Variants in ADK observed in about 807,000 individuals in gnomAD.
ADK encodes the protein N6,N6-dimethyladenosine kinase.
ADK carries 24 observed loss-of-function variants against 44.7 expected under a neutral mutation model. That is an observed-to-expected ratio of 0.54 (90% CI 0.39 to 0.76). ADK has a LOEUF of 0.76. Among genes scored for constraint, ADK ranks in the 30% least tolerant of loss-of-function variants. The pLI is 0.00. For missense variants in ADK, 321 were observed against 425.1 expected (o/e 0.76, Z 2.15); for synonymous variants, 128 against 142.6 (o/e 0.90, Z 0.73).
chr10:74,456,440 C>T lies in ADK; in HGVS notation c.555+57861C>T, dbSNP rs1431550839. Among the ~76,000 whole-genome samples the T allele has an allele frequency of 4.6e-5, 7 of 151,938 alleles. No homozygotes were observed. In the East Asian group the frequency reaches 9.7e-4, roughly 21 times the overall value. On this transcript the variant is annotated intron_variant, in intron 6 of 10. Transcript: ENST00000539909. ...CTGTAATCCCAGCACTTTGAGAGGC[C>T]GAGGCGGGCGGATCACAAGGTCAGG...
chr10:74,394,898 A>C (rs1433355304), intron 5 of ADK, among the ~76,000 whole-genome samples: 2 of 152,158 alleles, frequency 1.3e-5, no homozygotes, highest in Non-Finnish European at 2.9e-5. Context: ...ACCCTTACTT[A>C]TTAGAAAAGT....
chr10:74,360,834 T>G (rs890704806), intron 4 of ADK, among the ~76,000 whole-genome samples: 2 of 152,198 alleles, frequency 1.3e-5, no homozygotes, highest in African/African-American at 4.8e-5. Flanking sequence ...TGTGTCTTTA[T>G]AGGTGAAATG....
chr10:74,692,352 G>A (rs903347651), intron 10 of ADK, among the ~76,000 whole-genome samples: 2 of 152,180 alleles, frequency 1.3e-5, no homozygotes, highest in South Asian at 2.1e-4. Context: ...GGTGGCAGGC[G>A]CCTATAATCC....
chr10:74,271,354 G>T (rs1846420979), intron 3 of ADK, among the ~76,000 whole-genome samples: 1 of 151,958 alleles, frequency 6.6e-6, no homozygotes. Context: ...GGGATTAAAA[G>T]TATGTCTACT....
At chr10:74,541,088 C>T (rs1849610779) in intron 7 of ADK, among the ~76,000 whole-genome samples, 1 of 152,100 alleles carries the variant, frequency 6.6e-6, no homozygotes, top group African/African-American at 2.4e-5. Flanking sequence ...CATCTCGGCT[C>T]ACTGCAACCT....
chr10:74,664,262 A>G (rs1311969029), intron 9 of ADK, among the ~76,000 whole-genome samples: 1 of 152,232 alleles, frequency 6.6e-6, no homozygotes, highest in African/African-American at 2.4e-5. Context: ...ATTTTAAAAT[A>G]TGATCCAGAG....
rs1162604859 is a variant in ADK, at chr10:74,587,417, TC to T, written c.727-1863del. On this transcript the variant is annotated intron_variant, in intron 7 of 10. Transcript: ENST00000539909. Reference sequence around the variant, plus strand: ...GGAGTTGTACTTTCAACTTAACACTTCCTGTTGACTTCAGTGTTTAGCTGTA... The same window carrying T: ...GGAGTTGTACTTTCAACTTAACACTTCTGTTGACTTCAGTGTTTAGCTGTA... Among the ~76,000 whole-genome samples, 3 of 152,224 alleles carry T rather than the reference TC, an allele frequency of 2.0e-5. No individual in the cohort carries two copies. The East Asian group carries it at 5.8e-4, about 29-fold the overall frequency.
At chr10:74,351,031 C>G (rs1841946264) in intron 4 of ADK, among the ~76,000 whole-genome samples, 1 of 152,186 alleles carries the variant, frequency 6.6e-6, no homozygotes. Context: ...CCTTCTGAAA[C>G]TATTCCAAAC....
At chr10:74,159,748 A>G (rs1339208458) in intron 1 of ADK, among the ~76,000 whole-genome samples, 1 of 152,058 alleles carries the variant, frequency 6.6e-6, no homozygotes, top group Non-Finnish European at 1.5e-5. Flanking sequence ...ATGCACCACC[A>G]TGCCCAGCTA....
chr10:74,278,774 G>A (rs557533873), intron 3 of ADK, among the ~76,000 whole-genome samples: 1 of 152,298 alleles, frequency 6.6e-6, no homozygotes, highest in East Asian at 1.9e-4. Flanking sequence ...GTGGCCTCAA[G>A]CGATCTTCCC....
At chr10:74,409,639 G>A (rs115326444) in intron 6 of ADK, among the ~76,000 whole-genome samples, 3 of 151,530 alleles carry the variant, frequency 2.0e-5, no homozygotes, top group East Asian at 1.9e-4. Context: ...ATCTGTTTTC[G>A]GTCTAGAATT....
chr10:74,151,372 G>A (rs986470615), intron 1 of ADK, 29 bp downstream of exon 1: 11 of 1,549,142 alleles, frequency 7.1e-6, no homozygotes, highest in Non-Finnish European at 7.9e-6. Context: ...GGGGAGGAGG[G>A]TGACGGCGCT....
intron 3 of ADK, among the ~76,000 whole-genome samples, chr10:74,228,544 A>T (rs1433596955): frequency 6.6e-6 from 1 of 152,200 alleles, no homozygotes; most frequent in Non-Finnish European, 1.5e-5. Flanking sequence ...TAAAGAAAAG[A>T]TAGTGTGCAG....
chr10:74,372,055 T>C, intron 4 of ADK: 1 of 760,538 alleles, frequency 1.3e-6, no homozygotes, highest in Non-Finnish European at 2.4e-6. Context: ...ATGGGTTTGA[T>C]GTGGTGGATG....
chr10:74,573,939 C>T (rs962775755), intron 7 of ADK, among the ~76,000 whole-genome samples: 22 of 152,204 alleles, frequency 1.4e-4, no homozygotes, highest in Non-Finnish European at 2.9e-4. Context: ...AAAGGGAACT[C>T]CCTGACCCCT....
rs1490808465 is a variant in ADK at position 74,708,960 on chromosome 10, T to A, written c.*515T>A. 6.4e-6 allele frequency: 1 copy of A among 155,650 alleles called. No homozygotes were observed. The highest frequency in any genetic ancestry group is 1.4e-5 in the Non-Finnish European group (1 of 70,230). 9.6% of individuals were successfully genotyped at this position (155,650 alleles called of 1,614,324 possible). ...TCAAATAAGGTACAGAAATTTTATC[T>A]TGTCAATTATGCCAAATAATCTCTT... On this transcript the variant is annotated 3_prime_UTR_variant, in exon 11 of 11. Coordinates refer to ENST00000539909, the MANE Select transcript of ADK (RefSeq NM_006721.4).
intron 4 of ADK, among the ~76,000 whole-genome samples, chr10:74,331,583 A>G (rs1294422327): frequency 6.6e-6 from 1 of 152,160 alleles, no homozygotes; most frequent in Non-Finnish European, 1.5e-5. Context: ...TCCTGGGTTC[A>G]AGTGATTCTC....
intron 9 of ADK, chr10:74,641,384 A>G (rs1268564011): frequency 1.3e-5 from 2 of 152,110 alleles, no homozygotes; most frequent in Non-Finnish European, 2.9e-5. Context: ...TAAATAAATA[A>G]TTTTTTGGTG....
chr10:74,512,483 T>G (rs1263752550), intron 6 of ADK, among the ~76,000 whole-genome samples: 1 of 151,598 alleles, frequency 6.6e-6, no homozygotes, highest in Non-Finnish European at 1.5e-5. Context: ...GTTTAGGCTT[T>G]CTATTTCTTC....
Sources: allele counts gnomAD v4.1 joint callset (sites outside exome capture counted in the v4.1 genomes callset), GRCh38; gene constraint gnomAD v4.1.1; transcripts MANE v1.5; gene names NCBI Gene and HGNC (gene_info 2026-07-23, HGNC 2026-07-21).